The following GRAMD4 variants were observed in gnomAD, a reference collection of about 807,000 sequenced individuals.
GRAMD4 encodes the protein GRAM domain containing 4, also known as GRAM domain-containing protein 4.
In GRAMD4, 25 loss-of-function variants were observed where a neutral mutation model predicts 83.9. That is an observed-to-expected ratio of 0.30 (90% CI 0.22 to 0.42). The LOEUF (loss-of-function observed/expected upper bound fraction) is 0.42, where lower values mean the gene tolerates loss of function less well. GRAMD4 is among the 10% of genes least tolerant of loss of function. GRAMD4 has a pLI of 1.00. For missense variants in GRAMD4, 593 were observed against 788.7 expected, an observed-to-expected ratio of 0.75 and a Z score of 2.97; for synonymous variants, 336 against 320.9, an observed-to-expected ratio of 1.05 and a Z score of -0.50.
chr22:46,667,073 C>T (rs1257837201), intron 10 of GRAMD4, among the ~76,000 whole-genome samples, 200 bp downstream of exon 10: 1 of 152,250 alleles, frequency 6.6e-6, no homozygotes, highest in Non-Finnish European at 1.5e-5. Context: ...AAGCCCGGCC[C>T]CACATTCTAG....
At chr22:46,593,369 G>T (rs567227136) in intron 1 of GRAMD4, among the ~76,000 whole-genome samples, 2 of 152,012 alleles carry the variant, frequency 1.3e-5, no homozygotes, top group African/African-American at 4.8e-5. Context: ...GCAGCTGGAC[G>T]GTGAAAGGGA....
Position 46,626,920 on chromosome 22 carries a change from C to G in GRAMD4, c.121C>G (p.Pro41Ala), listed in dbSNP as rs2081669936. 1 of 1,614,130 alleles carries G rather than the reference C, an allele frequency of 6.2e-7. No individual in the cohort carries two copies. Among genetic ancestry groups the G allele is most frequent in the African/African-American group, 1.3e-5 (1 of 75,058 alleles). ...CAGCGACGAAATCCCCCTGAAGGTA[C>G]CGCGGACCTCGCCCCGGGACAGCGA... is the stretch of plus-strand genomic sequence containing the variant. ...ECSDEIPLKVPRTSPRDSEEL... is the reference protein window; with the variant it reads ...ECSDEIPLKVARTSPRDSEEL... Residue 41 changes from proline to alanine, a missense_variant, in exon 2 of 19, where the codon CCG (proline) becomes GCG (alanine). Pro to Ala is a conservative substitution (Grantham distance 27). Coordinates refer to ENST00000406902, the MANE Select transcript of GRAMD4 (RefSeq NM_015124.5).
In GRAMD4 at chr22:46,603,303, G is replaced by A. The variant is rs528788669; in HGVS notation, c.-49-23448G>A. Among the ~76,000 whole-genome samples the A allele has an allele frequency of 6.2e-5, 9 of 145,412 alleles. No homozygotes were observed. In the South Asian group the frequency reaches 1.5e-3, roughly 24 times the overall value. On this transcript the variant is annotated intron_variant, in intron 1 of 1. Coordinates refer to the GRAMD4 transcript ENST00000431155. Reference sequence around the variant, plus strand: ...GCTCACTGCAAGCTCCGCCTCCTGGGTTTACACCATTCTCCTGCCTCAGCC... The same window carrying A: ...GCTCACTGCAAGCTCCGCCTCCTGGATTTACACCATTCTCCTGCCTCAGCC...
In GRAMD4 at chr22:46,678,964, C is replaced by G. The variant is rs1354926724; in HGVS notation, c.*1713C>G. The stretch of plus-strand genomic sequence containing the variant: ...CACGGCGGCCTTTCCCGAATGGGGA[C>G]AGAACCCGCTCTGAGCCGTGGGTCT... On this transcript the variant is annotated 3_prime_UTR_variant, in exon 19 of 19. Coordinates refer to ENST00000406902, the MANE Select transcript of GRAMD4 (RefSeq NM_015124.5). 6 of 985,664 alleles carry G rather than the reference C, an allele frequency of 6.1e-6. No individual in the cohort carries two copies. The highest frequency in any genetic ancestry group is 7.2e-6 in the Non-Finnish European group (6 of 830,008). 61.1% of individuals were successfully genotyped at this position (985,664 alleles called of 1,614,324 possible). A position where few individuals can be genotyped will look rare whatever the true frequency, so the allele number is the denominator to read the frequency against.
rs772625486 is a variant in GRAMD4, at chr22:46,672,198, G to T, written c.1085-645G>T. Among the ~76,000 whole-genome samples, 1 of 152,356 alleles carries T rather than the reference G, an allele frequency of 6.6e-6. No homozygotes were observed. The highest frequency in any genetic ancestry group is 2.4e-5 in the African/African-American group (1 of 41,576). Reference sequence around the variant, plus strand: ...CTGTTGCCAGGTGGGGTCCTGGGGCGCAGTCAGGCCTGGCTCTTCTGAGGT... The same window carrying T: ...CTGTTGCCAGGTGGGGTCCTGGGGCTCAGTCAGGCCTGGCTCTTCTGAGGT... On this transcript the variant is annotated intron_variant, in intron 13 of 18. Transcript: ENST00000406902. The surrounding 1 kb of genome is among the most constrained non-coding windows in gnomAD (Gnocchi z 4.7).
chr22:46,604,899 C>T (rs879314482), intron 1 of GRAMD4, among the ~76,000 whole-genome samples: 24 of 88,398 alleles, frequency 2.7e-4, no homozygotes, highest in African/African-American at 4.8e-4. Context: ...TAATGTTCTC[C>T]GGGTTCACCC....
At chr22:46,618,604 C>T (rs138493), upstream of GRAMD4, among the ~76,000 whole-genome samples, 120,100 of 151,980 alleles carry the variant, frequency 0.79, 48,326 homozygotes, top group East Asian at 1. This position sits in a 1 kb window ranked among gnomAD's most constrained non-coding sequence, Gnocchi z 5.8. Flanking sequence ...TTGGCAGGGG[C>T]GCTGCAGAGG....
At chr22:46,641,408 G>T (rs1161967662) in intron 3 of GRAMD4, among the ~76,000 whole-genome samples, 1 of 152,040 alleles carries the variant, frequency 6.6e-6, no homozygotes, top group Non-Finnish European at 1.5e-5. Context: ...AGGAAGGAAG[G>T]AAGGAAGGAA....
At chr22:46,609,908 G>A (rs1020702681) in intron 1 of GRAMD4, among the ~76,000 whole-genome samples, 1 of 152,200 alleles carries the variant, frequency 6.6e-6, no homozygotes, top group Non-Finnish European at 1.5e-5. Flanking sequence ...AGGTGTGGAC[G>A]GGGGCCTACA....
intron 1 of GRAMD4, among the ~76,000 whole-genome samples, chr22:46,609,427 T>C (rs1470058503): frequency 6.6e-6 from 1 of 152,232 alleles, no homozygotes; most frequent in Admixed American, 6.5e-5. Context: ...TGACCTCAGC[T>C]GGGCCACATT....
At chr22:46,577,102 G>C (rs894986363), upstream of GRAMD4, 187 of 159,288 alleles carry the variant, frequency 1.2e-3, 2 homozygotes, top group African/African-American at 4.5e-3. Flanking sequence ...TCCGCGCAGC[G>C]GGACGCGAGC....
rs2062401974 is a variant in GRAMD4, at chr22:46,678,915, C to T, written c.*1664C>T. 5 of 985,732 alleles carry T rather than the reference C, an allele frequency of 5.1e-6. No homozygotes were observed. Among genetic ancestry groups the T allele is most frequent in the South Asian group, 4.7e-5 (1 of 21,302 alleles). 61.1% of individuals were successfully genotyped at this position (985,732 alleles called of 1,614,324 possible). On this transcript the variant is annotated 3_prime_UTR_variant, in exon 19 of 19. Transcript: ENST00000406902. ...GGAGCCCCCGTGGCTCTGGACTGCG[C>T]GGACGTTGGCGTCAGGATGACCACA...
At chr22:46,625,520 A>C (rs1466808107) in intron 1 of GRAMD4, among the ~76,000 whole-genome samples, 1 of 152,264 alleles carries the variant, frequency 6.6e-6, no homozygotes, top group African/African-American at 2.4e-5. Context: ...GTCTTCTTGA[A>C]TTCCTGGATA....
Position 46,631,244 on chromosome 22 carries a change from C to T in GRAMD4, c.162+4283C>T, listed in dbSNP as rs553237399. On this transcript the variant is annotated intron_variant, in intron 2 of 18. Transcript: ENST00000406902. ...CACATGCCCTCTGTTGTGCCACCATCGCCACCTCCACCTCCACCTCCACCT... is the reference window on the plus strand; with the variant it reads ...CACATGCCCTCTGTTGTGCCACCATTGCCACCTCCACCTCCACCTCCACCT... Among the ~76,000 whole-genome samples, 4 of 152,326 alleles carry T rather than the reference C, an allele frequency of 2.6e-5. No individual in the cohort carries two copies. The South Asian group carries it at 6.2e-4, about 24-fold the overall frequency.
intron 2 of GRAMD4, among the ~76,000 whole-genome samples, chr22:46,633,744 G>A (rs1448393453): frequency 6.6e-6 from 1 of 152,202 alleles, no homozygotes; most frequent in African/African-American, 2.4e-5. Flanking sequence ...TCCATTGTGG[G>A]AAAGGCAACC....
chr22:46,639,695 T>C (rs552575970), intron 3 of GRAMD4, among the ~76,000 whole-genome samples: 2 of 152,316 alleles, frequency 1.3e-5, no homozygotes, highest in African/African-American at 4.8e-5. Flanking sequence ...CATGCCCATG[T>C]GCATCAGTAT....
At chr22:46,609,111 AAAAC>A (rs1436868683) in intron 1 of GRAMD4, among the ~76,000 whole-genome samples, 2 of 151,862 alleles carry the variant, frequency 1.3e-5, no homozygotes, top group African/African-American at 2.4e-5. Flanking sequence ...TCTAAAAAAA[AAAAC>A]AACAACAACC....
At chr22:46,635,561 GC>G (rs1439640086) in intron 2 of GRAMD4, among the ~76,000 whole-genome samples, 4 of 55,662 alleles carry the variant, frequency 7.2e-5, no homozygotes, top group Admixed American at 2.1e-4. Context: ...TGTCCTCCCT[GC>G]CCCCGCCCCC....
At chr22:46,597,785 G>A (rs984635492) in intron 1 of GRAMD4, among the ~76,000 whole-genome samples, 5 of 152,190 alleles carry the variant, frequency 3.3e-5, no homozygotes, top group South Asian at 2.1e-4. Flanking sequence ...TACCACGCCC[G>A]GCCTCTGGCA....
Sources: gnomAD v4.1 joint callset for allele counts (sites outside exome capture counted in the v4.1 genomes callset) on GRCh38, gnomAD v4.1.1 for gene constraint, Gnocchi (gnomAD v3.1) non-coding constraint, MANE v1.5 for transcripts, NCBI Gene and HGNC (gene_info 2026-07-23, HGNC 2026-07-21) for gene names.